The following LRCH1 variants were observed in gnomAD, a reference collection of about 807,000 sequenced individuals.
The protein encoded by LRCH1 is leucine rich repeats and calponin homology domain containing 1.
Under a neutral mutation model 94.9 loss-of-function variants are expected in LRCH1, and 23 were observed. That is an observed-to-expected ratio of 0.24 (90% CI 0.17 to 0.34). The LOEUF is 0.34. Ranked by LOEUF, LRCH1 falls within the 10% of genes least tolerant of loss-of-function variation. The pLI is 1.00. For synonymous variants in LRCH1, 364 were observed against 354.9 expected (o/e 1.03, Z -0.29); for missense variants, 790 against 945.9 (o/e 0.84, Z 2.16).
intron 1 of LRCH1, among the ~76,000 whole-genome samples, chr13:46,612,163 T>C (rs1414584148): frequency 6.6e-6 from 1 of 152,168 alleles, no homozygotes; most frequent in Non-Finnish European, 1.5e-5. Context: ...ATGGCACACA[T>C]TTACCTATGT....
intron 1 of LRCH1, among the ~76,000 whole-genome samples, chr13:46,628,039 T>A (rs1314635533): frequency 4.6e-5 from 7 of 152,094 alleles, no homozygotes; most frequent in Non-Finnish European, 8.8e-5. Context: ...GCAGTCTGGC[T>A]TATGGGAAAT....
intron 1 of LRCH1, among the ~76,000 whole-genome samples, chr13:46,576,719 C>T (rs978506542): frequency 2.4e-5 from 3 of 127,604 alleles, no homozygotes; most frequent in African/African-American, 7.4e-5. Flanking sequence ...CTGTATTGCA[C>T]TTCTCTGTCT....
chr13:46,598,140 T>G (rs7995870), intron 1 of LRCH1, among the ~76,000 whole-genome samples: 129,093 of 152,144 alleles, frequency 0.85, 54,941 homozygotes, highest in East Asian at 0.91. Context: ...AATTAGCCGG[T>G]CAAGGTGGCG....
intron 1 of LRCH1, among the ~76,000 whole-genome samples, chr13:46,563,156 C>T (rs1299483489): frequency 6.6e-6 from 1 of 152,152 alleles, no homozygotes; most frequent in Non-Finnish European, 1.5e-5. Flanking sequence ...AAATGAAAAA[C>T]TAATCAATAT....
At chr13:46,568,145 CTCTTT>C (rs36217034) in intron 1 of LRCH1, among the ~76,000 whole-genome samples, 5,331 of 152,098 alleles carry the variant, frequency 0.035, 298 homozygotes, top group African/African-American at 0.12. Flanking sequence ...CCATGCAACA[CTCTTT>C]TCTTTAGAGA....
chr13:46,618,549 A>G (rs2050839733), intron 1 of LRCH1, among the ~76,000 whole-genome samples: 1 of 152,228 alleles, frequency 6.6e-6, no homozygotes, highest in Non-Finnish European at 1.5e-5. Context: ...AGTGGCTGCA[A>G]AAAAACTTAT....
At chr13:46,747,444 T>C (rs1873954436), downstream of LRCH1, among the ~76,000 whole-genome samples, 1 of 152,170 alleles carries the variant, frequency 6.6e-6, no homozygotes, top group African/African-American at 2.4e-5. Context: ...CAGTCCTTCA[T>C]TGGAGGACAC....
intron 1 of LRCH1, among the ~76,000 whole-genome samples, chr13:46,629,441 T>G (rs530800493): frequency 3.9e-5 from 6 of 152,210 alleles, no homozygotes; most frequent in African/African-American, 1.4e-4. Context: ...AATTGCATAG[T>G]TCATGAAAGG....
rs1322756752 is a variant in LRCH1, at chr13:46,687,925, C to G, written c.896C>G (p.Ser299Cys). The G allele has an allele frequency of 6.2e-7, 1 of 1,612,990 alleles. No individual in the cohort carries two copies. The highest frequency in any genetic ancestry group is 1.1e-5 in the South Asian group (1 of 90,754). ...IQACQIKTAD[S>C]LYLHTMERPH... Reference sequence around the variant, plus strand: ...GCATGCCAGATTAAGACAGCTGACTCCCTTTATCTCCACACCATGGAGAGG... The same window carrying G: ...GCATGCCAGATTAAGACAGCTGACTGCCTTTATCTCCACACCATGGAGAGG... Residue 299 changes from serine (S) to cysteine (C), a missense_variant, in exon 6 of 20, where the codon TCC becomes TGC. Physicochemically the swap from Ser to Cys is moderately radical, Grantham distance 112. Transcript: ENST00000389797.
In LRCH1 at chr13:46,553,463, C is replaced by G. The variant is rs1398894787; in HGVS notation, c.67C>G (p.Leu23Val). ...PALSVATLHPLHHPHHHHHHH... is the reference protein window; with the variant it reads ...PALSVATLHPVHHPHHHHHHH... ...CCTTTCGGTAGCTACTCTGCACCCA[C>G]TTCATCATCCCCACCACCACCACCA... Residue 23 changes from leucine (L) to valine (V), a missense_variant, in exon 1 of 20, where the codon CTT becomes GTT. By Grantham distance (32) the Leu-to-Val change is conservative (BLOSUM62 1). Around this residue, in one of 3 missense-constraint regions of LRCH1, gnomAD observed 136 missense variants for 143.5 expected, o/e 0.95. Transcript: ENST00000389797. 3.2e-6 allele frequency: 5 copies of G among 1,549,428 alleles called. No homozygotes were observed. Among genetic ancestry groups the G allele is most frequent in the Non-Finnish European group, 4.4e-6 (5 of 1,146,338 alleles).
Position 46,699,386 on chromosome 13 carries a change from C to G in LRCH1, c.1296C>G (p.His432Gln). 2 of 1,614,080 alleles carry G rather than the reference C, an allele frequency of 1.2e-6. No individual in the cohort carries two copies. Among genetic ancestry groups the G allele is most frequent in the Non-Finnish European group, 1.7e-6 (2 of 1,179,942 alleles). Residue 432 changes from histidine to glutamine, a missense_variant, in exon 10 of 20, where the codon CAC (histidine) becomes CAG (glutamine). Coordinates refer to ENST00000389797, the MANE Select transcript of LRCH1 (RefSeq NM_001164211.2). ...TGTTACGGATAGAAGAGGATGTGCACTGGCAAACTGAGGGCATGTGAGTGC... is the reference window on the plus strand; with the variant it reads ...TGTTACGGATAGAAGAGGATGTGCAGTGGCAAACTGAGGGCATGTGAGTGC... Reference protein sequence around the residue: ...EELLRIEEDVHWQTEGIISSS... With the variant: ...EELLRIEEDVQWQTEGIISSS...
intron 1 of LRCH1, among the ~76,000 whole-genome samples, chr13:46,602,986 A>ACATGCATG (rs2050646765): frequency 6.6e-6 from 1 of 150,946 alleles, no homozygotes; most frequent in South Asian, 2.1e-4. Context: ...ATGCATACAT[A>ACATGCATG]CATACATACA....
intron 14 of LRCH1, among the ~76,000 whole-genome samples, 153 bp from the exon 15 acceptor site, chr13:46,712,372 C>A (rs899314198): frequency 2.0e-5 from 3 of 152,172 alleles, no homozygotes; most frequent in African/African-American, 7.2e-5. Flanking sequence ...AACATCTTTA[C>A]AAAGTGATTT....
chr13:46,662,435 C>G lies in LRCH1; in HGVS notation c.453-6595C>G, dbSNP rs150791131. ...AGTGTTTGCAAAATTAATATTTTGG[C>G]TGGTATTACATATTGAGTTCTCTTT... On this transcript the variant is annotated intron_variant, in intron 2 of 19. Coordinates refer to ENST00000389797, the MANE Select transcript of LRCH1 (RefSeq NM_001164211.2). Among the ~76,000 whole-genome samples, 565 of 152,220 alleles carry G rather than the reference C, an allele frequency of 3.7e-3. 1 individual carries two copies. The highest frequency in any genetic ancestry group is 6.1e-3 in the Non-Finnish European group (414 of 68,008).
chr13:46,689,183 T>C lies in LRCH1; in HGVS notation c.1001T>C (p.Leu334Ser). ...GGAAGTGATAATGGAGATAAGCGATTATCTGCCACCGAGGTAAAGTTAGTG... is the reference window on the plus strand; with the variant it reads ...GGAAGTGATAATGGAGATAAGCGATCATCTGCCACCGAGGTAAAGTTAGTG... ...GVGSDNGDKRLSATEPSDEDT... is the reference protein window; with the variant it reads ...GVGSDNGDKRSSATEPSDEDT... Residue 334 changes from leucine to serine, a missense_variant, in exon 7 of 20, where the codon TTA becomes TCA. Leu to Ser is a moderately radical substitution (Grantham distance 145). This residue lies in a region of LRCH1 where 194 missense variants were observed against 293.5 expected (regional missense o/e 0.66). Coordinates refer to ENST00000389797, the MANE Select transcript of LRCH1 (RefSeq NM_001164211.2). 1 of 1,611,762 alleles carries C rather than the reference T, an allele frequency of 6.2e-7. No individual in the cohort carries two copies. Among genetic ancestry groups the C allele is most frequent in the Non-Finnish European group, 8.5e-7 (1 of 1,178,678 alleles).
At chr13:46,626,379 A>G (rs2050950209) in intron 1 of LRCH1, among the ~76,000 whole-genome samples, 1 of 152,174 alleles carries the variant, frequency 6.6e-6, no homozygotes, top group African/African-American at 2.4e-5. Flanking sequence ...GAGAAGTAAA[A>G]ATAGCCTTAA....
intron 1 of LRCH1, among the ~76,000 whole-genome samples, chr13:46,571,048 C>G (rs1796980259): frequency 6.6e-6 from 1 of 152,232 alleles, no homozygotes; most frequent in Admixed American, 6.5e-5. Context: ...GGTGGATTTG[C>G]AGAGTGCTGA....
intron 5 of LRCH1, among the ~76,000 whole-genome samples, chr13:46,686,952 A>ATTTCT (rs771856002): frequency 1.2e-5 from 1 of 85,442 alleles, no homozygotes; most frequent in African/African-American, 4.7e-5. Flanking sequence ...GAGTATATTG[A>ATTTCT]TTTTTTTTTT....
At chr13:46,701,405 A>G (rs895683480) in intron 11 of LRCH1, among the ~76,000 whole-genome samples, 198 bp downstream of exon 11, 4 of 152,216 alleles carry the variant, frequency 2.6e-5, no homozygotes, top group Admixed American at 2.6e-4. Context: ...GAGTGAGATC[A>G]ATTTCCCCTT....
Sources: allele counts gnomAD v4.1 joint callset (sites outside exome capture counted in the v4.1 genomes callset), GRCh38; gene constraint gnomAD v4.1.1; regional missense constraint gnomAD v4.1.1; transcripts MANE v1.5; gene names NCBI Gene and HGNC (gene_info 2026-07-23, HGNC 2026-07-21).